Variants in PIGQ observed in about 807,000 individuals in gnomAD.
The protein encoded by PIGQ is phosphatidylinositol glycan anchor biosynthesis class Q, also known as phosphatidylinositol N-acetylglucosaminyltransferase subunit Q.
PIGQ carries 54 observed loss-of-function variants against 60.3 expected under a neutral mutation model. The ratio of observed to expected loss-of-function variants is 0.90; its 90% confidence interval spans 0.72 to 1.12. The LOEUF (loss-of-function observed/expected upper bound fraction) is 1.12. PIGQ is among the 50% of genes most tolerant of loss of function. PIGQ has a pLI of 0.00. For synonymous variants in PIGQ, 416 were observed against 363.7 expected (o/e 1.14, Z -1.64); for missense variants, 799 against 793.5 (o/e 1.01, Z -0.08).
At chr16:577,533 C>T (rs935995227) in intron 4 of PIGQ, among the ~76,000 whole-genome samples, 71 of 149,336 alleles carry the variant, frequency 4.8e-4, no homozygotes, top group Admixed American at 2.1e-3. Context: ...GCCGAGATCT[C>T]ACCACTGCAC....
intron 4 of PIGQ, among the ~76,000 whole-genome samples, chr16:577,441 G>A (rs531778743): frequency 5.3e-5 from 8 of 152,088 alleles, no homozygotes; most frequent in South Asian, 4.1e-4. Flanking sequence ...GCCAGGTATG[G>A]TGGTGGGCAC....
chr16:571,610 C>G (rs2035630700), intron 1 of PIGQ, among the ~76,000 whole-genome samples: 2 of 97,698 alleles, frequency 2.0e-5, no homozygotes, highest in Admixed American at 9.7e-5. Context: ...AGCCTGGCGC[C>G]CGTGTGTGTG....
rs752387143 is a variant in PIGQ at position 580,925 on chromosome 16, C to T, written c.1484C>T (p.Pro495Leu). 24 of 1,610,468 alleles carry T rather than the reference C, an allele frequency of 1.5e-5. No homozygotes were observed. The highest frequency in any genetic ancestry group is 8.9e-5 in the East Asian group (4 of 44,888). ...HLLVDLINSL[P>L]LYSLGLRLCR... is the part of the protein sequence containing the mutation. ...CTCGTGGACCTCATCAACTCCCTGC[C>T]GCTGTACTCACTGGGTCTTCGGCTC... The change falls in exon 9 of 11, where the codon CCG becomes CTG. Residue 495 changes from proline (P) to leucine (L), a missense_variant. Physicochemically the swap from Pro to Leu is moderately conservative, Grantham distance 98. Transcript: ENST00000321878.
chr16:578,028 C>T (rs932118671), intron 4 of PIGQ: 1 of 232,970 alleles, frequency 4.3e-6, no homozygotes, highest in African/African-American at 2.3e-5. Context: ...TCTGCCAGGC[C>T]TCAGTGCGTC....
chr16:582,695 C>G, intron 10 of PIGQ, 188 bp from the exon 11 acceptor site: 1 of 685,770 alleles, frequency 1.5e-6, no homozygotes, highest in East Asian at 2.6e-5. Flanking sequence ...GCTTCTGCCT[C>G]CCCCCAGCGC....
chr16:575,937 C>T lies in PIGQ; in HGVS notation c.788C>T (p.Thr263Ile). 1 of 1,585,068 alleles carries T rather than the reference C, an allele frequency of 6.3e-7. No individual in the cohort carries two copies. The highest frequency in any genetic ancestry group is 1.8e-5 in the Admixed American group (1 of 55,736). Residue 263 changes from threonine to isoleucine, a missense_variant, in exon 3 of 11, where the codon ACA becomes ATA. Thr to Ile is a moderately conservative substitution (Grantham distance 89). Coordinates refer to ENST00000321878, the MANE Select transcript of PIGQ (RefSeq NM_004204.5). ...RLEHLTLIFS[T>I]RKAENPAQLM... ...GAGCACCTCACGCTAATCTTCAGTA[C>T]ACGGAAGGCGGAGAACCCTGCCCAG...
chr16:584,058 C>T lies in PIGQ; in HGVS notation c.*1023C>T, dbSNP rs1256650431. The T allele has an allele frequency of 3.6e-5, 11 of 304,790 alleles. No individual in the cohort carries two copies. The highest frequency in any genetic ancestry group is 2.2e-5 in the African/African-American group (1 of 46,374). 18.9% of individuals were successfully genotyped at this position (304,790 alleles called of 1,614,324 possible). On this transcript the variant is annotated 3_prime_UTR_variant, in exon 11 of 11. Coordinates refer to ENST00000321878, the MANE Select transcript of PIGQ (RefSeq NM_004204.5). Reference sequence around the variant, plus strand: ...TGCCTGGGACTCCCTGGCAACCCAGCACCGGGGAAGCCGTCAGCTGCTGTG... The same window carrying T: ...TGCCTGGGACTCCCTGGCAACCCAGTACCGGGGAAGCCGTCAGCTGCTGTG...
chr16:577,225 C>G (rs2035731171), intron 4 of PIGQ: 1 of 152,204 alleles, frequency 6.6e-6, no homozygotes, highest in Admixed American at 6.5e-5. Flanking sequence ...AAATGAAAGT[C>G]TCTTCCTGCT....
Position 583,009 on chromosome 16 carries a change from A to G in PIGQ, c.1720A>G (p.Arg574Gly), listed in dbSNP as rs750460655. ...CCTTGGGGAGCTCATCTACCCCTGG[A>G]GGCAGAGAGGGGACAAGCAGGACTG... The part of the protein sequence containing the change: ...LFLGELIYPW[R>G]QRGDKQD The change falls in exon 11 of 11, where the codon AGG (arginine) becomes GGG (glycine). Residue 574 changes from arginine to glycine, a missense_variant. Coordinates refer to ENST00000321878, the MANE Select transcript of PIGQ (RefSeq NM_004204.5). 1.9e-6 allele frequency: 3 copies of G among 1,612,980 alleles called. No individual in the cohort carries two copies. In the African/African-American group the frequency reaches 4.0e-5, roughly 22 times the overall value.
At position 582,501 on chromosome 16, in the gene PIGQ, G is replaced by T. The variant is rs1424389956; in HGVS notation, c.1593+192G>T. ...ACCCCCAGGGCCTGAGGACACTGGT[G>T]TGGTCCTGTGGATGGGGCCCATTCT... is the stretch of plus-strand genomic sequence containing the variant. On this transcript the variant is annotated intron_variant, in intron 10 of 10. Transcript: ENST00000321878. 5.1e-6 allele frequency: 3 copies of T among 587,880 alleles called. No homozygotes were observed. In the African/African-American group the frequency reaches 5.6e-5, roughly 11 times the overall value. 36.4% of individuals were successfully genotyped at this position (587,880 alleles called of 1,614,324 possible). A position where few individuals can be genotyped will look rare whatever the true frequency, so the allele number is the denominator to read the frequency against.
At position 574,192 on chromosome 16, in the gene PIGQ, T is replaced by A. The variant is rs2035678359; in HGVS notation, c.118T>A (p.Phe40Ile). ...AVVLAVLHFP[F>I]IPIQVKQLLA... is the part of the protein sequence containing the mutation. ...GGTCCTGGCGGTCCTGCACTTTCCC[T>A]TCATCCCCATCCAGGTCAAGCAGCT... Residue 40 changes from phenylalanine (F) to isoleucine (I), a missense_variant, in exon 2 of 11, where the codon TTC becomes ATC. Physicochemically the swap from Phe to Ile is conservative, Grantham distance 21 (BLOSUM62 0). Coordinates refer to ENST00000321878, the MANE Select transcript of PIGQ (RefSeq NM_004204.5). 1 of 1,612,566 alleles carries A rather than the reference T, an allele frequency of 6.2e-7. No individual in the cohort carries two copies.
rs372699184 is a variant in PIGQ at position 582,231 on chromosome 16, G to A, written c.1532-17G>A. ...GCCCCCACGCGTCCCCTCGTCAGCC[G>A]CTTGCTATCCTTGCAGCTGGCGTGA... is the stretch of plus-strand genomic sequence containing the variant. On this transcript the variant is annotated splice_polypyrimidine_tract_variant and intron_variant, in intron 9 of 10. Coordinates refer to ENST00000321878, the MANE Select transcript of PIGQ (RefSeq NM_004204.5). The A allele has an allele frequency of 8.0e-6, 4 of 499,608 alleles. No individual in the cohort carries two copies. The South Asian group carries it at 2.2e-4, about 28-fold the overall frequency. 30.9% of individuals were successfully genotyped at this position (499,608 alleles called of 1,614,324 possible). A position where few individuals can be genotyped will look rare whatever the true frequency, so the allele number is the denominator to read the frequency against.
chr16:579,197 G>A lies in PIGQ; in HGVS notation c.1335+17G>A, dbSNP rs1332960356. The A allele has an allele frequency of 2.2e-5, 35 of 1,596,180 alleles. No homozygotes were observed. Among genetic ancestry groups the A allele is most frequent in the Middle Eastern group, 1.7e-4 (1 of 6,058 alleles). On this transcript the variant is annotated intron_variant, in intron 7 of 10. Transcript: ENST00000321878. ...CTGGACCAGGTATGGGGCAGGGTTC[G>A]TGGCTGGAGGGGCTGACTGCCTCCG...
Position 579,117 on chromosome 16 carries a change from C to T in PIGQ, c.1272C>T (p.Phe424=). 6.2e-7 allele frequency: 1 copy of T among 1,612,980 alleles called. No individual in the cohort carries two copies. Among genetic ancestry groups the T allele is most frequent in the South Asian group, 1.1e-5 (1 of 91,088 alleles). Residue 424 remains phenylalanine (F), a synonymous_variant, in exon 7 of 11, where the codon TTC becomes TTT. Coordinates refer to ENST00000321878, the MANE Select transcript of PIGQ (RefSeq NM_004204.5). ...GCCTGTCCTCACTGTGGCGTCTGTT[C>T]CGGGGGAAGAAGTGGAACGTTCTGC... The part of the protein sequence containing the change: ...IHGLSSLWRL[F]RGKKWNVLRQ...
chr16:578,998 C>A, intron 6 of PIGQ, 60 bp downstream of exon 6: 2 of 258,164 alleles, frequency 7.7e-6, no homozygotes, highest in South Asian at 1.8e-4. Context: ...TCCGGCTGGG[C>A]GGGCGTTCGA....
At chr16:574,031 C>T (rs761133720) in intron 1 of PIGQ, 35 bp from the exon 2 acceptor site, 5 of 1,452,074 alleles carry the variant, frequency 3.4e-6, no homozygotes, top group Non-Finnish European at 4.7e-6. Flanking sequence ...GGGGCAGCAG[C>T]AGCTCTGAGC....
Position 578,805 on chromosome 16 carries a change from C to T in PIGQ, c.1090C>T (p.Pro364Ser). 6.2e-7 allele frequency: 1 copy of T among 1,613,746 alleles called. No homozygotes were observed. Among genetic ancestry groups the T allele is most frequent in the Middle Eastern group, 1.6e-4 (1 of 6,062 alleles). ...GCCAGGCTACATCCACCTCATGTCC[C>T]CCTTCGTGGAGCACATCCTTTGGCA... is the stretch of plus-strand genomic sequence containing the variant. Reference protein sequence around the residue: ...LWISYIHLMSPFVEHILWHVG... With the variant: ...LWISYIHLMSSFVEHILWHVG... Residue 364 changes from proline to serine, a missense_variant, in exon 6 of 11, where the codon CCC becomes TCC. By Grantham distance (74) the Pro-to-Ser change is moderately conservative (BLOSUM62 -1). Transcript: ENST00000321878.
chr16:571,557 GC>G (rs2035629341), intron 1 of PIGQ, among the ~76,000 whole-genome samples: 1 of 100,246 alleles, frequency 1.0e-5, no homozygotes, highest in African/African-American at 4.3e-5. Flanking sequence ...TGTGTGTCTG[GC>G]TAGCCTGGTG....
chr16:576,741 A>G, intron 4 of PIGQ: 1 of 401,974 alleles, frequency 2.5e-6, no homozygotes, highest in Non-Finnish European at 4.4e-6. Flanking sequence ...CCCATCTCCC[A>G]CCTTCCCTGC....
Sources: allele counts gnomAD v4.1 joint callset (sites outside exome capture counted in the v4.1 genomes callset), GRCh38; gene constraint gnomAD v4.1.1; transcripts MANE v1.5; gene names NCBI Gene and HGNC (gene_info 2026-07-23, HGNC 2026-07-21).